The following FAM78B variants were observed in gnomAD, a reference collection of about 807,000 sequenced individuals.
The protein encoded by FAM78B is protein FAM78B.
In FAM78B, 10 loss-of-function variants were observed where a neutral mutation model predicts 20.0. The ratio of observed to expected loss-of-function variants is 0.50; its 90% CI spans 0.31 to 0.85. The LOEUF (loss-of-function observed/expected upper bound fraction) is 0.85. Ranked by LOEUF, FAM78B falls within the 40% of genes least tolerant of loss-of-function variation. FAM78B has a pLI of 0.05. For missense variants in FAM78B, 283 were observed against 345.0 expected (o/e 0.82, Z 1.42); for synonymous variants, 135 against 132.8 (o/e 1.02, Z -0.12).
At chr1:166,160,403 T>A (rs763728233) in intron 1 of FAM78B, among the ~76,000 whole-genome samples, 1 of 152,200 alleles carries the variant, frequency 6.6e-6, no homozygotes, top group Non-Finnish European at 1.5e-5. Flanking sequence ...CTTTACAGCA[T>A]GTAGGTGATA....
rs756782790 is a variant in FAM78B at position 166,070,535 on chromosome 1, C to G, written c.492G>C (p.Lys164Asn). 1 of 1,614,060 alleles carries G rather than the reference C, an allele frequency of 6.2e-7. No individual in the cohort carries two copies. Among genetic ancestry groups the G allele is most frequent in the African/African-American group, 1.3e-5 (1 of 75,060 alleles). Residue 164 changes from lysine to asparagine, a missense_variant, in exon 2 of 2, where the codon AAG (lysine) becomes AAC (asparagine). Lys to Asn is a moderately conservative substitution (Grantham distance 94, BLOSUM62 0). Transcript: ENST00000354422. Reference protein sequence around the residue: ...DSNVPLLTRIKRDQSFTTWLV... With the variant: ...DSNVPLLTRINRDQSFTTWLV... ...GCCAGGTCGTGAAACTTTGGTCTCT[C>G]TTGATTCTTGTGAGCAGTGGCACAT... is the stretch of plus-strand genomic sequence containing the variant.
At chr1:166,134,776 C>A (rs767034030) in intron 1 of FAM78B, among the ~76,000 whole-genome samples, 1 of 152,084 alleles carries the variant, frequency 6.6e-6, no homozygotes. Context: ...CTCTAATGTC[C>A]CTTTAATAAC....
At chr1:166,102,144 C>G (rs1024657487) in intron 1 of FAM78B, among the ~76,000 whole-genome samples, 12 of 152,172 alleles carry the variant, frequency 7.9e-5, no homozygotes, top group Non-Finnish European at 1.8e-4. Flanking sequence ...AAATACTTTA[C>G]AGACAAGCAA....
intron 1 of FAM78B, among the ~76,000 whole-genome samples, chr1:166,081,535 G>A (rs1420886753): frequency 6.6e-6 from 1 of 152,178 alleles, no homozygotes; most frequent in Non-Finnish European, 1.5e-5. Flanking sequence ...GCAGAGCGCC[G>A]TGCAGGCCCA....
chr1:166,109,854 ATATATATGTATGTG>A (rs1204230071), intron 1 of FAM78B, among the ~76,000 whole-genome samples: 1 of 15,690 alleles, frequency 6.4e-5, no homozygotes, highest in Non-Finnish European at 2.0e-4. Context: ...ATATATATAT[ATATATATGTATGTG>A]TATATATATA....
intron 1 of FAM78B, among the ~76,000 whole-genome samples, chr1:166,101,106 C>A (rs1653496393): frequency 6.6e-6 from 1 of 152,204 alleles, no homozygotes; most frequent in African/African-American, 2.4e-5. Context: ...CTCTGGCAAA[C>A]TCCAACAGAC....
intron 1 of FAM78B, among the ~76,000 whole-genome samples, chr1:166,131,397 C>T (rs965363578): frequency 6.6e-6 from 1 of 152,264 alleles, no homozygotes; most frequent in Non-Finnish European, 1.5e-5. Context: ...CATCCCAGTA[C>T]ACCAGGCAAA....
rs1245880898 is a variant in FAM78B, at chr1:166,077,833, T to C, written c.264-7070A>G. On this transcript the variant is annotated intron_variant, in intron 1 of 1. Coordinates refer to ENST00000354422, the MANE Select transcript of FAM78B (RefSeq NM_001017961.5). ...TATGTAGATTATATATAAATATATA[T>C]AATTTATATATATAATAATATATAT... Among the ~76,000 whole-genome samples the C allele has an allele frequency of 1.7e-5, 2 of 119,282 alleles. 1 individual carries two copies. Among genetic ancestry groups the C allele is most frequent in the African/African-American group, 6.2e-5 (2 of 32,336 alleles). 78.3% of individuals were successfully genotyped at this position (119,282 alleles called of 152,430 possible).
chr1:166,125,753 T>C (rs1357095009), intron 1 of FAM78B, among the ~76,000 whole-genome samples: 3 of 152,142 alleles, frequency 2.0e-5, no homozygotes, highest in Non-Finnish European at 4.4e-5. Context: ...TAACACTGAA[T>C]ACGATGTAAA....
intron 1 of FAM78B, among the ~76,000 whole-genome samples, chr1:166,091,123 G>A (rs183417862): frequency 1.2e-3 from 184 of 152,268 alleles, no homozygotes; most frequent in Non-Finnish European, 2.1e-3. Context: ...TCAAGGTGTG[G>A]CACGGGCAGG....
chr1:166,165,378 C>T (rs1223684615), intron 1 of FAM78B, among the ~76,000 whole-genome samples: 4 of 152,234 alleles, frequency 2.6e-5, no homozygotes, highest in African/African-American at 9.6e-5. Flanking sequence ...GTCCAGGGGG[C>T]GCGGAAACAG....
intron 1 of FAM78B, among the ~76,000 whole-genome samples, chr1:166,109,890 GTATATA>G (rs1200752162): frequency 0.031 from 708 of 23,040 alleles, 76 homozygotes; most frequent in African/African-American, 0.061. Flanking sequence ...ATGTATATAT[GTATATA>G]TATATATATA....
intron 1 of FAM78B, among the ~76,000 whole-genome samples, chr1:166,077,743 A>G (rs1471956239): frequency 1.4e-5 from 2 of 137,938 alleles, no homozygotes; most frequent in Non-Finnish European, 3.1e-5. Flanking sequence ...TATAATAAAT[A>G]CATATAATTA....
chr1:166,073,534 CTCTT>C (rs570508554), intron 1 of FAM78B, among the ~76,000 whole-genome samples: 114 of 134,222 alleles, frequency 8.5e-4, no homozygotes, highest in African/African-American at 3.1e-3. Context: ...TTCTCTTTCT[CTCTT>C]TTTTTTTTTT....
intron 1 of FAM78B, among the ~76,000 whole-genome samples, chr1:166,125,420 G>A (rs1279079175): frequency 6.6e-6 from 1 of 152,140 alleles, no homozygotes; most frequent in Non-Finnish European, 1.5e-5. Flanking sequence ...CAATCATTAT[G>A]GCCAGTCATT....
intron 1 of FAM78B, among the ~76,000 whole-genome samples, chr1:166,151,289 C>G (rs574918742): frequency 4.6e-5 from 7 of 152,288 alleles, no homozygotes; most frequent in African/African-American, 1.7e-4. Context: ...TCTGATAGAA[C>G]ATTTCTTCAA....
In FAM78B at chr1:166,070,584, C is replaced by G; in HGVS notation, c.443G>C (p.Trp148Ser). 1 of 1,613,792 alleles carries G rather than the reference C, an allele frequency of 6.2e-7. No homozygotes were observed. The highest frequency in any genetic ancestry group is 8.5e-7 in the Non-Finnish European group (1 of 1,180,008). ...MNDNFYPSVT[W>S]AVPVSDSNVP... The stretch of plus-strand genomic sequence containing the variant: ...ATTGCTGTCACTCACAGGCACTGCC[C>G]ATGTCACACTGGGGTAGAAGTTGTC... The change falls in exon 2 of 2, where the codon TGG (tryptophan) becomes TCG (serine). Residue 148 changes from tryptophan (W) to serine (S), a missense_variant. Transcript: ENST00000354422.
intron 1 of FAM78B, among the ~76,000 whole-genome samples, chr1:166,106,558 T>C (rs1018366222): frequency 6.6e-6 from 1 of 152,140 alleles, no homozygotes; most frequent in African/African-American, 2.4e-5. Flanking sequence ...CATTGTCATA[T>C]AGTGAGCATT....
At chr1:166,091,066 T>G (rs958242385) in intron 1 of FAM78B, among the ~76,000 whole-genome samples, 2 of 152,142 alleles carry the variant, frequency 1.3e-5, no homozygotes, top group African/African-American at 4.8e-5. Context: ...AGCAGCATCC[T>G]GGGTGAAGGA....
Sources: allele counts gnomAD v4.1 joint callset (sites outside exome capture counted in the v4.1 genomes callset), GRCh38; gene constraint gnomAD v4.1.1; transcripts MANE v1.5; gene names NCBI Gene and HGNC (gene_info 2026-07-23, HGNC 2026-07-21).